CFAP57: variants seen among roughly 807,000 people sequenced by gnomAD.
CFAP57 encodes cilia- and flagella-associated protein 57.
CFAP57 carries 116 observed loss-of-function variants against 146.8 expected under a neutral mutation model. The ratio of observed to expected loss-of-function variants is 0.79; its 90% CI spans 0.68 to 0.92. CFAP57 has a LOEUF of 0.92. Among genes scored for constraint, CFAP57 ranks in the 40% least tolerant of loss-of-function variants. The pLI, the probability that CFAP57 is intolerant of heterozygous loss-of-function variation, is 0.00. For synonymous variants in CFAP57, 518 were observed against 552.8 expected (o/e 0.94, Z 0.88); for missense variants, 1,377 against 1,527.2 (o/e 0.90, Z 1.64).
intron 22 of CFAP57, among the ~76,000 whole-genome samples, chr1:43,249,732 A>T (rs1349901417): frequency 6.6e-6 from 1 of 150,394 alleles, no homozygotes; most frequent in Non-Finnish European, 1.5e-5. Flanking sequence ...GGTGTGAGCC[A>T]CTGCGCCTGG....
chr1:43,186,917 T>C, intron 6 of CFAP57, 58 bp downstream of exon 6: 2 of 1,607,582 alleles, frequency 1.2e-6, no homozygotes, highest in South Asian at 2.2e-5. Context: ...GCTGGGGGAC[T>C]AGTCACCATG....
At chr1:43,221,536 C>T (rs1645043000) in intron 14 of CFAP57, 71 bp downstream of exon 14, 1 of 1,011,786 alleles carries the variant, frequency 9.9e-7, no homozygotes, top group African/African-American at 1.6e-5. Flanking sequence ...ACTCAAGAGT[C>T]CCCCAGACAC....
At chr1:43,240,179 C>G (rs982206335) in intron 21 of CFAP57, among the ~76,000 whole-genome samples, 1 of 152,072 alleles carries the variant, frequency 6.6e-6, no homozygotes, top group African/African-American at 2.4e-5. Context: ...CTGGGGAGAC[C>G]GAAGAATGAC....
intron 6 of CFAP57, among the ~76,000 whole-genome samples, chr1:43,193,257 TTCCAAACTGTG>T (rs1643657344): frequency 6.6e-6 from 1 of 152,192 alleles, no homozygotes; most frequent in Admixed American, 6.5e-5. Flanking sequence ...GTATCTTTGA[TTCCAAACTGTG>T]TCTCTTATAC....
chr1:43,227,119 T>G lies in CFAP57; in HGVS notation c.3002T>G (p.Ile1001Ser), dbSNP rs1645276018. The change falls in exon 18 of 23, where the codon ATT (isoleucine) becomes AGT (serine). Residue 1001 changes from isoleucine (I) to serine (S), a missense_variant. Physicochemically the swap from Ile to Ser is moderately radical, Grantham distance 142. Transcript: ENST00000372492. ...ENEIRVMKEQIQEMEAELENF... is the reference protein window; with the variant it reads ...ENEIRVMKEQSQEMEAELENF... The stretch of plus-strand genomic sequence containing the variant: ...GAGATCAGGGTGATGAAGGAACAGA[T>G]TCAGGAGGTAAGAAGCCATTTGCAA... 3 of 1,532,578 alleles carry G rather than the reference T, an allele frequency of 2.0e-6. No individual in the cohort carries two copies. The highest frequency in any genetic ancestry group is 2.6e-6 in the Non-Finnish European group (3 of 1,139,586). The allele number at this position is 1,532,578 out of a possible 1,614,324, so 94.9% of individuals were successfully genotyped here.
chr1:43,245,775 C>G (rs1646093439), intron 22 of CFAP57, among the ~76,000 whole-genome samples: 1 of 152,188 alleles, frequency 6.6e-6, no homozygotes, highest in Non-Finnish European at 1.5e-5. Flanking sequence ...CTTGAAATTT[C>G]AGAACACCAG....
chr1:43,226,927 C>T, intron 17 of CFAP57, 56 bp from the exon 18 acceptor site: 1 of 1,438,392 alleles, frequency 7.0e-7, no homozygotes, highest in Non-Finnish European at 9.1e-7. Context: ...CCCTAAAGGG[C>T]TGCAGTATAC....
chr1:43,212,947 A>AAAAAAAG (rs1553180118), intron 11 of CFAP57, among the ~76,000 whole-genome samples: 3 of 151,294 alleles, frequency 2.0e-5, no homozygotes, highest in Non-Finnish European at 4.4e-5. Context: ...AAAAAAAAAA[A>AAAAAAAG]AAAGAAAGAA....
chr1:43,243,335 C>A lies in CFAP57; in HGVS notation c.3514C>A (p.Arg1172=). 6.5e-7 allele frequency: 1 copy of A among 1,537,070 alleles called. No individual in the cohort carries two copies. The part of the protein sequence containing the change: ...EAALKLTKKV[R]PQEVSETEPS... ...AGCTCTGAAACTGACCAAGAAAGTC[C>A]GACCACAAGAAGTTTCAGAGACAGG... The change falls in exon 22 of 23, where the codon CGA becomes AGA. Residue 1172 remains arginine, a synonymous_variant. Coordinates refer to ENST00000372492, the MANE Select transcript of CFAP57 (RefSeq NM_001378189.1).
chr1:43,253,282 T>G (rs962179195), intron 22 of CFAP57, among the ~76,000 whole-genome samples: 1 of 152,222 alleles, frequency 6.6e-6, no homozygotes, highest in African/African-American at 2.4e-5. Context: ...CAAGATCATG[T>G]GTGTCATGCA....
intron 6 of CFAP57, among the ~76,000 whole-genome samples, chr1:43,195,600 C>G (rs1484248109): frequency 6.6e-6 from 1 of 151,472 alleles, no homozygotes; most frequent in Non-Finnish European, 1.5e-5. Flanking sequence ...TGAAGACAAT[C>G]CACATGTTCA....
rs1642984818 is a variant in CFAP57, at chr1:43,185,378, G to A, written c.969+22G>A. ...CAGGGTAAGGCGGGAAGAAAAAAAA[G>A]AAGTAAAATGGGGGTCCTATTGGCA... On this transcript the variant is annotated intron_variant, in intron 5 of 22. Coordinates refer to ENST00000372492, the MANE Select transcript of CFAP57 (RefSeq NM_001378189.1). 7 of 1,607,384 alleles carry A rather than the reference G, an allele frequency of 4.4e-6. No homozygotes were observed. In the East Asian group the frequency reaches 1.6e-4, roughly 36 times the overall value.
At position 43,181,744 on chromosome 1, in the gene CFAP57, T is replaced by C; in HGVS notation, c.368T>C (p.Leu123Ser). The stretch of plus-strand genomic sequence containing the variant: ...TTTTCTCCAGACTCCAAATACCTAT[T>C]GGCTCAGACGTCACCTCCAGAGTCA... ...MAFSPDSKYL[L>S]AQTSPPESNL... Residue 123 changes from leucine (L) to serine (S), a missense_variant, in exon 3 of 23, where the codon TTG becomes TCG. By Grantham distance (145) the Leu-to-Ser change is moderately radical. Coordinates refer to ENST00000372492, the MANE Select transcript of CFAP57 (RefSeq NM_001378189.1). The C allele has an allele frequency of 6.2e-7, 1 of 1,614,190 alleles. No individual in the cohort carries two copies. The highest frequency in any genetic ancestry group is 8.5e-7 in the Non-Finnish European group (1 of 1,180,022).
chr1:43,244,893 A>T (rs950307983), intron 22 of CFAP57, among the ~76,000 whole-genome samples: 6 of 152,094 alleles, frequency 3.9e-5, no homozygotes, highest in Non-Finnish European at 8.8e-5. Flanking sequence ...ACAGAGTGAG[A>T]CTCCATCTCA....
Position 43,172,806 on chromosome 1 carries a change from T to A in CFAP57, c.53T>A (p.Val18Glu). 1 of 1,614,168 alleles carries A rather than the reference T, an allele frequency of 6.2e-7. No homozygotes were observed. Among genetic ancestry groups the A allele is most frequent in the South Asian group, 1.1e-5 (1 of 91,084 alleles). The change falls in exon 2 of 23, where the codon GTG becomes GAG. Residue 18 changes from valine (V) to glutamate (E), a missense_variant. Transcript: ENST00000372492. Reference protein sequence around the residue: ...TLHVFGLRSHVANNIFYFDEQ... With the variant: ...TLHVFGLRSHEANNIFYFDEQ... Reference sequence around the variant, plus strand: ...CATGTTTTTGGTCTTCGATCCCACGTGGCCAACAATATCTTCTACTTCGAT... The same window carrying A: ...CATGTTTTTGGTCTTCGATCCCACGAGGCCAACAATATCTTCTACTTCGAT...
intron 11 of CFAP57, among the ~76,000 whole-genome samples, chr1:43,212,516 T>C (rs1644658785): frequency 6.6e-6 from 1 of 152,240 alleles, no homozygotes; most frequent in African/African-American, 2.4e-5. Flanking sequence ...TTTCCATCCA[T>C]CTCGCGTATT....
rs1206074536 is a variant in CFAP57, at chr1:43,181,625, C to T, written c.249C>T (p.Ala83=). ...CTGAGACTGTGCAAGAAAAACCTGC[C>T]ATCACCATTTATGAATTGTCATCCA... ...AISETVQEKP[A]ITIYELSSIP... is the part of the protein sequence containing the mutation. Residue 83 remains alanine (A), a synonymous_variant, in exon 3 of 23, where the codon GCC becomes GCT. Coordinates refer to ENST00000372492, the MANE Select transcript of CFAP57 (RefSeq NM_001378189.1). 2.5e-6 allele frequency: 4 copies of T among 1,614,246 alleles called. No homozygotes were observed. Among genetic ancestry groups the T allele is most frequent in the African/African-American group, 1.3e-5 (1 of 75,064 alleles).
At chr1:43,225,115 C>G (rs915274165) in intron 17 of CFAP57, among the ~76,000 whole-genome samples, 1 of 152,012 alleles carries the variant, frequency 6.6e-6, no homozygotes, top group Non-Finnish European at 1.5e-5. Context: ...AAGCTCTGTT[C>G]AGATTCTCAA....
rs779329412 is a variant in CFAP57, at chr1:43,183,653, T to A, written c.537T>A (p.Leu179=). ...VCVTGNGMFK[L]LRFAEGTLKQ... ...TCACTGGAAATGGGATGTTTAAGCT[T>A]CTCCGTTTTGCTGAGGGAACCCTGA... is the stretch of plus-strand genomic sequence containing the variant. Residue 179 remains leucine, a synonymous_variant, in exon 4 of 23, where the codon CTT becomes CTA. Coordinates refer to ENST00000372492, the MANE Select transcript of CFAP57 (RefSeq NM_001378189.1). 23 of 1,614,070 alleles carry A rather than the reference T, an allele frequency of 1.4e-5. No homozygotes were observed. The highest frequency in any genetic ancestry group is 1.9e-5 in the Non-Finnish European group (22 of 1,180,036).
Sources: gnomAD v4.1 joint callset for allele counts (sites outside exome capture counted in the v4.1 genomes callset) on GRCh38, gnomAD v4.1.1 for gene constraint, MANE v1.5 for transcripts, NCBI Gene and HGNC (gene_info 2026-07-23, HGNC 2026-07-21) for gene names.